The following ZNF541 variants were observed in gnomAD, a reference collection of about 807,000 sequenced individuals.
ZNF541 encodes zinc finger protein 541.
A neutral mutation model predicts 123.5 loss-of-function variants in ZNF541; 23 were observed. That is an observed-to-expected ratio of 0.19 (90% CI 0.13 to 0.26). The LOEUF (loss-of-function observed/expected upper bound fraction) is 0.26. Among genes scored for constraint, ZNF541 ranks in the 10% least tolerant of loss-of-function variants. The probability of loss-of-function intolerance (pLI) is 1.00; values close to 1 mark genes in which losing one functional copy is unlikely to be tolerated. For synonymous variants in ZNF541, 751 were observed against 754.5 expected (o/e 1.00, Z 0.08); for missense variants, 1,612 against 1,789.9 (o/e 0.90, Z 1.79).
In ZNF541 at chr19:47,532,258, T is replaced by C; in HGVS notation, c.3171A>G (p.Ile1057Met). Residue 1057 changes from isoleucine to methionine, a missense_variant, in exon 11 of 17, where the codon ATA (isoleucine) becomes ATG (methionine). Coordinates refer to ENST00000391901, the MANE Select transcript of ZNF541 (RefSeq NM_001277075.3). ...GGATCTCTGCCTGAAACCGGCTTCC[T>C]ATATTGATATGTCTGAAATGAGGCC... ...TKISIEPHIN[I>M]GSRFQAEIPE... is the part of the protein sequence containing the mutation. The C allele has an allele frequency of 6.4e-7, 1 of 1,552,076 alleles. No individual in the cohort carries two copies. Among genetic ancestry groups the C allele is most frequent in the Non-Finnish European group, 8.7e-7 (1 of 1,147,080 alleles).
chr19:47,556,569 C>T (rs932551459), intron 2 of ZNF541, among the ~76,000 whole-genome samples: 17 of 151,960 alleles, frequency 1.1e-4, no homozygotes, highest in South Asian at 1.0e-3. Context: ...CTTGGCTTCC[C>T]AAAGTGCTGG....
chr19:47,548,715 C>T (rs1363258509), intron 4 of ZNF541, among the ~76,000 whole-genome samples: 3 of 152,170 alleles, frequency 2.0e-5, no homozygotes, highest in Non-Finnish European at 4.4e-5. Flanking sequence ...GGGGCTTCCT[C>T]ACAGGCGTGA....
In ZNF541 at chr19:47,535,191, G is replaced by A. The variant is rs370424140; in HGVS notation, c.3095-2219C>T. 2.1e-4 allele frequency among the ~76,000 whole-genome samples: 32 copies of A among 152,270 alleles called. No individual in the cohort carries two copies. The East Asian group carries it at 5.0e-3, about 24-fold the overall frequency. On this transcript the variant is annotated intron_variant, in intron 9 of 16. Transcript: ENST00000391901. ...GCTGGTCTTGAGCTCCTGACCTCGTGATCCGCCTGCCTCGGCTTCCCAAAG... is the reference window on the plus strand; with the variant it reads ...GCTGGTCTTGAGCTCCTGACCTCGTAATCCGCCTGCCTCGGCTTCCCAAAG...
chr19:47,563,817 G>A (rs189795559), intron 2 of ZNF541, among the ~76,000 whole-genome samples: 4 of 152,104 alleles, frequency 2.6e-5, no homozygotes, highest in Admixed American at 1.3e-4. Flanking sequence ...CGCTGGTCAG[G>A]CTGGTCTCAA....
chr19:47,522,892 AC>A (rs1250941523), intron 14 of ZNF541, among the ~76,000 whole-genome samples: 1 of 150,422 alleles, frequency 6.6e-6, no homozygotes, highest in African/African-American at 2.4e-5. Flanking sequence ...GATTATAGGT[AC>A]CCTCCATCAT....
At chr19:47,547,017 G>A (rs151128454) in intron 4 of ZNF541, among the ~76,000 whole-genome samples, 7 of 152,206 alleles carry the variant, frequency 4.6e-5, no homozygotes, top group South Asian at 2.1e-4. Flanking sequence ...CACTGTAGCC[G>A]GCACACAGTA....
chr19:47,553,793 G>A (rs1457447074), intron 3 of ZNF541, among the ~76,000 whole-genome samples: 2 of 152,164 alleles, frequency 1.3e-5, no homozygotes, highest in African/African-American at 4.8e-5. Flanking sequence ...GCCCACCTCA[G>A]CCTCCCAAAG....
At chr19:47,572,677 C>G (rs1341003761) in intron 1 of ZNF541, among the ~76,000 whole-genome samples, 3 of 147,530 alleles carry the variant, frequency 2.0e-5, no homozygotes, top group Non-Finnish European at 1.5e-5. Flanking sequence ...AAGAGGCTAG[C>G]GAATGCAAGG....
Position 47,555,932 on chromosome 19 carries a change from G to C in ZNF541, c.-76C>G. The C allele has an allele frequency of 3.6e-6, 5 of 1,407,342 alleles. No individual in the cohort carries two copies. Among genetic ancestry groups the C allele is most frequent in the South Asian group, 1.5e-5 (1 of 68,244 alleles). 87.2% of individuals were successfully genotyped at this position (1,407,342 alleles called of 1,614,324 possible). A position where few individuals can be genotyped will look rare whatever the true frequency, so the allele number is the denominator to read the frequency against. On this transcript the variant is annotated 5_prime_UTR_variant, in exon 3 of 17. Transcript: ENST00000391901. The stretch of plus-strand genomic sequence containing the variant: ...ACCATGTAAGGAGACAGGGAGGAGA[G>C]AGCCCTTGATGGCAACTAATTCCTG...
chr19:47,543,537 G>A (rs774151659), intron 5 of ZNF541, among the ~76,000 whole-genome samples: 1 of 150,392 alleles, frequency 6.6e-6, no homozygotes, highest in Non-Finnish European at 1.5e-5. Flanking sequence ...ATCCTCTGAA[G>A]ATTCTAAAAA....
chr19:47,525,483 A>T (rs1481420023), intron 14 of ZNF541, among the ~76,000 whole-genome samples: 2 of 152,168 alleles, frequency 1.3e-5, no homozygotes, highest in Non-Finnish European at 2.9e-5. Flanking sequence ...ATGGTATTAC[A>T]TTTTTTTGTC....
intron 14 of ZNF541, among the ~76,000 whole-genome samples, chr19:47,522,240 C>G (rs1321705014): frequency 1.3e-5 from 2 of 152,226 alleles, no homozygotes; most frequent in African/African-American, 2.4e-5. Context: ...CATTCCAGCT[C>G]AGGAATTCTT....
chr19:47,538,424 C>A lies in ZNF541; in HGVS notation c.2812G>T (p.Gly938Trp), dbSNP rs775310863. Residue 938 changes from glycine to tryptophan, a missense_variant, in exon 9 of 17, where the codon GGG becomes TGG. This residue lies in a region of ZNF541 where 1,080 missense variants were observed against 1,013.8 expected (regional missense o/e 1.07). Transcript: ENST00000391901. ...GSMAMGQEKDGEERDSKESSQ... is the reference protein window; with the variant it reads ...GSMAMGQEKDWEERDSKESSQ... The stretch of plus-strand genomic sequence containing the variant: ...CTCTCCTTGCTGTCTCGCTCCTCCC[C>A]GTCTTTCTCTTGTCCCTGAAGAAGT... 1 of 1,521,566 alleles carries A rather than the reference C, an allele frequency of 6.6e-7. No individual in the cohort carries two copies. The highest frequency in any genetic ancestry group is 2.5e-5 in the East Asian group (1 of 40,646). The allele number at this position is 1,521,566 out of a possible 1,614,324, so 94.3% of individuals were successfully genotyped here.
At chr19:47,532,619 A>G (rs1288842144) in intron 10 of ZNF541, among the ~76,000 whole-genome samples, 1 of 151,962 alleles carries the variant, frequency 6.6e-6, no homozygotes, top group African/African-American at 2.4e-5. Flanking sequence ...CTGTGCCATC[A>G]CCAATTCTAC....
chr19:47,572,971 C>A (rs1971529101), intron 1 of ZNF541, among the ~76,000 whole-genome samples, 112 bp downstream of exon 1: 1 of 150,274 alleles, frequency 6.7e-6, no homozygotes, highest in Non-Finnish European at 1.5e-5. Context: ...AAAAAGAAAT[C>A]AAGAAACGAA....
intron 14 of ZNF541, among the ~76,000 whole-genome samples, chr19:47,524,361 T>A (rs1317882485): frequency 1.3e-5 from 2 of 152,134 alleles, no homozygotes; most frequent in Non-Finnish European, 2.9e-5. Flanking sequence ...GGTGTTAGAA[T>A]GAGCAGGGAA....
chr19:47,570,469 C>G (rs1335230105), intron 2 of ZNF541, among the ~76,000 whole-genome samples: 1 of 148,702 alleles, frequency 6.7e-6, no homozygotes, highest in Non-Finnish European at 1.5e-5. Context: ...CCCAGGTACT[C>G]AGGAGGCTGA....
intron 2 of ZNF541, among the ~76,000 whole-genome samples, chr19:47,568,759 G>A (rs1209347516): frequency 6.6e-6 from 1 of 151,972 alleles, no homozygotes; most frequent in Non-Finnish European, 1.5e-5. Flanking sequence ...TGCAACCTCC[G>A]CCTCCTGGGT....
At chr19:47,572,666 G>A (rs1228941274) in intron 1 of ZNF541, among the ~76,000 whole-genome samples, 2 of 151,724 alleles carry the variant, frequency 1.3e-5, no homozygotes, top group African/African-American at 2.4e-5. Flanking sequence ...AAGGGGCCTG[G>A]AAGAGGCTAG....
Sources: allele counts gnomAD v4.1 joint callset (sites outside exome capture counted in the v4.1 genomes callset), GRCh38; gene constraint gnomAD v4.1.1; regional missense constraint gnomAD v4.1.1; transcripts MANE v1.5; gene names NCBI Gene and HGNC (gene_info 2026-07-23, HGNC 2026-07-21).